The following MIEF1 variants were observed in gnomAD, a reference collection of about 807,000 sequenced individuals.
MIEF1 encodes mitochondrial dynamics protein MIEF1.
MIEF1 carries 14 observed loss-of-function variants against 35.1 expected under a neutral mutation model. The ratio of observed to expected loss-of-function variants is 0.40; its 90% CI spans 0.26 to 0.62. The LOEUF is 0.62. Among genes scored for constraint, MIEF1 ranks in the 20% least tolerant of loss-of-function variants. MIEF1 has a pLI of 0.43. For missense variants in MIEF1, 542 were observed against 615.4 expected, an observed-to-expected ratio of 0.88 and a Z score of 1.26; for synonymous variants, 245 against 254.3, an observed-to-expected ratio of 0.96 and a Z score of 0.35.
chr22:39,514,091 A>G lies in MIEF1; in HGVS notation c.1160A>G (p.Asn387Ser), dbSNP rs557568950. The change falls in exon 6 of 6, where the codon AAT becomes AGT. Residue 387 changes from asparagine to serine, a missense_variant. By Grantham distance (46) the Asn-to-Ser change is conservative. Coordinates refer to ENST00000325301, the MANE Select transcript of MIEF1 (RefSeq NM_019008.6). ...LGHLTASQLT[N>S]VILHLAQEEA... The stretch of plus-strand genomic sequence containing the variant: ...CACCTCACTGCCAGCCAGCTAACCA[A>G]TGTCATCCTCCACTTGGCCCAGGAG... The G allele has an allele frequency of 8.7e-6, 14 of 1,613,988 alleles. No individual in the cohort carries two copies. In the African/African-American group the frequency reaches 1.1e-4, roughly 12 times the overall value.
intron 2 of MIEF1, among the ~76,000 whole-genome samples, chr22:39,506,558 A>G (rs1040189382): frequency 6.6e-6 from 1 of 152,204 alleles, no homozygotes; most frequent in South Asian, 2.1e-4. Flanking sequence ...GCCAGCACAT[A>G]ATACACACTC....
intron 5 of MIEF1, among the ~76,000 whole-genome samples, chr22:39,513,296 G>A (rs766411599): frequency 1.3e-5 from 2 of 151,994 alleles, no homozygotes; most frequent in Non-Finnish European, 2.9e-5. Flanking sequence ...AGGGGATGGG[G>A]TTTCACCATG....
At position 39,517,280 on chromosome 22, in the gene MIEF1, G is replaced by T; in HGVS notation, c.*2957G>T. 4.9e-6 allele frequency: 1 copy of T among 204,638 alleles called. No individual in the cohort carries two copies. Among genetic ancestry groups the T allele is most frequent in the Non-Finnish European group, 1.0e-5 (1 of 97,392 alleles). The allele number at this position is 204,638 out of a possible 1,614,324, so 12.7% of individuals were successfully genotyped here. A position where few individuals can be genotyped will look rare whatever the true frequency, so the allele number is the denominator to read the frequency against. ...CTAATAAATTCCAGAGTTTATTTTG[G>T]TTCTCCTCTGTTGCCCTTCCTAAAA... On this transcript the variant is annotated 3_prime_UTR_variant, in exon 6 of 6. Transcript: ENST00000325301.
chr22:39,506,374 C>T (rs997024626), intron 2 of MIEF1, among the ~76,000 whole-genome samples: 12 of 152,106 alleles, frequency 7.9e-5, no homozygotes, highest in Non-Finnish European at 8.8e-5. Flanking sequence ...ATTAGTTCTC[C>T]GCACCGCGTG....
intron 2 of MIEF1, among the ~76,000 whole-genome samples, chr22:39,506,949 C>T (rs1003711472): frequency 2.6e-5 from 4 of 152,242 alleles, no homozygotes; most frequent in South Asian, 2.1e-4. Context: ...GAACCCTTTT[C>T]ATCTGGCACA....
chr22:39,507,706 A>C (rs1930116543), intron 2 of MIEF1, among the ~76,000 whole-genome samples: 1 of 151,676 alleles, frequency 6.6e-6, no homozygotes, highest in Non-Finnish European at 1.5e-5. Flanking sequence ...TCTACTGAAA[A>C]TACAAAAAAT....
Position 39,514,108 on chromosome 22 carries a change from G to C in MIEF1, c.1177G>C (p.Ala393Pro), listed in dbSNP as rs201383905. ...SQLTNVILHL[A>P]QEEADWSPDM... The stretch of plus-strand genomic sequence containing the variant: ...GCTAACCAATGTCATCCTCCACTTG[G>C]CCCAGGAGGAGGCTGACTGGTCTCC... Residue 393 changes from alanine (A) to proline (P), a missense_variant, in exon 6 of 6, where the codon GCC (alanine) becomes CCC (proline). Physicochemically the swap from Ala to Pro is conservative, Grantham distance 27. Coordinates refer to ENST00000325301, the MANE Select transcript of MIEF1 (RefSeq NM_019008.6). 9.9e-6 allele frequency: 16 copies of C among 1,614,160 alleles called. No homozygotes were observed. In the South Asian group the frequency reaches 1.1e-4, roughly 11 times the overall value.
chr22:39,513,501 A>T lies in MIEF1; in HGVS notation c.586-16A>T. 1 of 1,611,262 alleles carries T rather than the reference A, an allele frequency of 6.2e-7. No homozygotes were observed. The highest frequency in any genetic ancestry group is 2.2e-5 in the East Asian group (1 of 44,822). On this transcript the variant is annotated splice_polypyrimidine_tract_variant and intron_variant, in intron 5 of 5. Transcript: ENST00000325301. Reference sequence around the variant, plus strand: ...CAGAGTAAACCCTCAAAACCCTTTAAATTCTGCCCTGACAGGTGGTGACAG... The same window carrying T: ...CAGAGTAAACCCTCAAAACCCTTTATATTCTGCCCTGACAGGTGGTGACAG...
intron 5 of MIEF1, 70 bp from the exon 6 acceptor site, chr22:39,513,447 A>AC: frequency 6.8e-7 from 1 of 1,474,568 alleles, no homozygotes; most frequent in East Asian, 2.3e-5. Context: ...GATGGTGGGA[A>AC]CCGTCTTAGA....
chr22:39,502,373 T>G lies in MIEF1; in HGVS notation c.-404T>G, dbSNP rs1929766675. The G allele has an allele frequency of 6.6e-6, 1 of 152,288 alleles. No homozygotes were observed. The highest frequency in any genetic ancestry group is 1.9e-4 in the East Asian group (1 of 5,184). The allele number at this position is 152,288 out of a possible 1,614,324, so 9.4% of individuals were successfully genotyped here. On this transcript the variant is annotated 5_prime_UTR_variant, in exon 1 of 6. Coordinates refer to ENST00000325301, the MANE Select transcript of MIEF1 (RefSeq NM_019008.6). ...GAAGTGAAGGGGCCATGTTGATGGG[T>G]GACCCGGGGAGAGGTACCCGGCCAG...
chr22:39,512,977 A>C (rs954439269), intron 5 of MIEF1, among the ~76,000 whole-genome samples: 7 of 151,886 alleles, frequency 4.6e-5, no homozygotes, highest in Non-Finnish European at 1.0e-4. Context: ...ATCGTTTCTC[A>C]TGTTTTAGTC....
chr22:39,502,702 G>A (rs933564904), intron 1 of MIEF1, among the ~76,000 whole-genome samples: 1 of 152,230 alleles, frequency 6.6e-6, no homozygotes, highest in Non-Finnish European at 1.5e-5. Flanking sequence ...CGGCCCCCAC[G>A]GTTGGTGAAG....
At position 39,502,390 on chromosome 22, in the gene MIEF1, C is replaced by G. The variant is rs916114223; in HGVS notation, c.-387C>G. 4 of 152,374 alleles carry G rather than the reference C, an allele frequency of 2.6e-5. No homozygotes were observed. Among genetic ancestry groups the G allele is most frequent in the Non-Finnish European group, 5.9e-5 (4 of 68,150 alleles). 9.4% of individuals were successfully genotyped at this position (152,374 alleles called of 1,614,324 possible). A position where few individuals can be genotyped will look rare whatever the true frequency, so the allele number is the denominator to read the frequency against. ...TTGATGGGTGACCCGGGGAGAGGTA[C>G]CCGGCCAGAGGCGAGTCCTGCGGAG... is the stretch of plus-strand genomic sequence containing the variant. On this transcript the variant is annotated 5_prime_UTR_variant, in exon 1 of 6. Transcript: ENST00000325301.
rs953767789 is a variant in MIEF1, at chr22:39,515,598, C to T, written c.*1275C>T. 2.0e-6 allele frequency: 1 copy of T among 502,872 alleles called. No individual in the cohort carries two copies. Among genetic ancestry groups the T allele is most frequent in the Admixed American group, 3.7e-5 (1 of 26,728 alleles). The allele number at this position is 502,872 out of a possible 1,614,324, so 31.2% of individuals were successfully genotyped here. A position where few individuals can be genotyped will look rare whatever the true frequency, so the allele number is the denominator to read the frequency against. ...GATAAGACAGAGGGGAGGAGGTGGGCATTTCCTACATTCCTCCTTGTTTGC... is the reference window on the plus strand; with the variant it reads ...GATAAGACAGAGGGGAGGAGGTGGGTATTTCCTACATTCCTCCTTGTTTGC... On this transcript the variant is annotated 3_prime_UTR_variant, in exon 6 of 6. Transcript: ENST00000325301.
At position 39,510,851 on chromosome 22, in the gene MIEF1, T is replaced by A. The variant is rs566429156; in HGVS notation, c.-7-437T>A. Among the ~76,000 whole-genome samples, 42 of 146,320 alleles carry A rather than the reference T, an allele frequency of 2.9e-4. No individual in the cohort carries two copies. In the East Asian group the frequency reaches 4.5e-3, roughly 16 times the overall value. On this transcript the variant is annotated intron_variant, in intron 2 of 5. Coordinates refer to ENST00000325301, the MANE Select transcript of MIEF1 (RefSeq NM_019008.6). ...CCCCTGTGAAGGGGTAGAGACCTGCTTTATAACCCCTGTGAAGGGGTAGAG... is the reference window on the plus strand; with the variant it reads ...CCCCTGTGAAGGGGTAGAGACCTGCATTATAACCCCTGTGAAGGGGTAGAG...
chr22:39,508,027 C>T (rs555038967), intron 2 of MIEF1, among the ~76,000 whole-genome samples: 1 of 152,254 alleles, frequency 6.6e-6, no homozygotes, highest in Admixed American at 6.5e-5. Context: ...GGATGGAAAT[C>T]TTAAAAGACT....
intron 2 of MIEF1, among the ~76,000 whole-genome samples, chr22:39,507,192 A>T (rs921608869): frequency 2.0e-5 from 3 of 152,138 alleles, no homozygotes; most frequent in African/African-American, 7.2e-5. Flanking sequence ...CAGGTCTGTG[A>T]TGTCAGTCCG....
upstream of MIEF1, among the ~76,000 whole-genome samples, chr22:39,501,311 T>A (rs1929689021): frequency 6.6e-6 from 1 of 152,240 alleles, no homozygotes; most frequent in Non-Finnish European, 1.5e-5. Flanking sequence ...CTTCTCCTGG[T>A]TCTCGTCCTT....
At position 39,515,491 on chromosome 22, in the gene MIEF1, A is replaced by G; in HGVS notation, c.*1168A>G. ...TCCGGGCACGGCCAGAGGGCAAGTG[A>G]GCATGCACGGACCTCTTCCCCCTGT... On this transcript the variant is annotated 3_prime_UTR_variant, in exon 6 of 6. Coordinates refer to ENST00000325301, the MANE Select transcript of MIEF1 (RefSeq NM_019008.6). 1 of 634,070 alleles carries G rather than the reference A, an allele frequency of 1.6e-6. No individual in the cohort carries two copies. The highest frequency in any genetic ancestry group is 2.9e-6 in the Non-Finnish European group (1 of 348,232). The allele number at this position is 634,070 out of a possible 1,614,324, so 39.3% of individuals were successfully genotyped here.
Sources: gnomAD v4.1 joint callset for allele counts (sites outside exome capture counted in the v4.1 genomes callset) on GRCh38, gnomAD v4.1.1 for gene constraint, MANE v1.5 for transcripts, NCBI Gene and HGNC (gene_info 2026-07-23, HGNC 2026-07-21) for gene names.